STK11: variants seen among roughly 807,000 people sequenced by gnomAD.
STK11 encodes the protein serine/threonine kinase 11.
A neutral mutation model predicts 47.3 loss-of-function variants in STK11; 8 were observed. The observed-to-expected ratio is 0.17, with a 90% CI of 0.10 to 0.31. The LOEUF is 0.31. Ranked by LOEUF, STK11 falls within the 10% of genes least tolerant of loss-of-function variation. STK11 has a pLI of 1.00. For missense variants in STK11, 475 were observed against 605.0 expected (o/e 0.79, Z 2.25); for synonymous variants, 330 against 255.8 (o/e 1.29, Z -2.77).
At chr19:1,208,944 A>T (rs4807008) in intron 1 of STK11, among the ~76,000 whole-genome samples, 1 of 151,948 alleles carries the variant, frequency 6.6e-6, no homozygotes, top group African/African-American at 2.4e-5. Flanking sequence ...ATCAGCATGC[A>T]GGCTGTGACA....
intron 1 of STK11, among the ~76,000 whole-genome samples, chr19:1,214,326 T>C (rs561908815): frequency 4.6e-5 from 7 of 152,202 alleles, no homozygotes; most frequent in East Asian, 1.9e-4. Context: ...CTGCGCAGAA[T>C]GCCTTGGTCC....
Position 1,228,199 on chromosome 19 carries a change from G to C in STK11, c.*623G>C. ...TGCGCTCTCGGGTCACCCTGCTTTG[G>C]CGGCCCGGCCGGAGGGCAGGACCCT... On this transcript the variant is annotated 3_prime_UTR_variant, in exon 10 of 10. Transcript: ENST00000326873. The C allele has an allele frequency of 9.9e-7, 1 of 1,006,084 alleles. No homozygotes were observed. 62.3% of individuals were successfully genotyped at this position (1,006,084 alleles called of 1,614,324 possible). A position where few individuals can be genotyped will look rare whatever the true frequency, so the allele number is the denominator to read the frequency against.
intron 1 of STK11, among the ~76,000 whole-genome samples, chr19:1,211,773 G>C (rs540933808): frequency 6.6e-6 from 1 of 152,272 alleles, no homozygotes; most frequent in Non-Finnish European, 1.5e-5. Flanking sequence ...GCGGTGTCCA[G>C]CCAGGAGGTG....
At chr19:1,210,635 C>T (rs773112425) in intron 1 of STK11, among the ~76,000 whole-genome samples, 1 of 152,168 alleles carries the variant, frequency 6.6e-6, no homozygotes, top group Non-Finnish European at 1.5e-5. Flanking sequence ...TTTGGGAGGC[C>T]AAGGCGGGTG....
At chr19:1,225,084 AGGGGC>A (rs2080811640) in intron 8 of STK11, 1 of 985,974 alleles carries the variant, frequency 1.0e-6, no homozygotes, top group Non-Finnish European at 1.2e-6. Flanking sequence ...ATCCCAGGGA[AGGGGC>A]TTGGGCTAGA....
At chr19:1,227,431 CG>C in intron 9 of STK11, 161 bp from the exon 10 acceptor site, 1 of 684,510 alleles carries the variant, frequency 1.5e-6, no homozygotes, top group Non-Finnish European at 1.9e-6. Context: ...CAATGTACCC[CG>C]GGAGTGACTC....
chr19:1,223,212 G>A (rs377730771), intron 8 of STK11, 40 bp downstream of exon 8: 40 of 1,585,530 alleles, frequency 2.5e-5, no homozygotes, highest in Middle Eastern at 1.7e-4. Flanking sequence ...CTGCTGACTC[G>A]GCCAGGATGT....
At chr19:1,214,638 C>T (rs2080733644) in intron 1 of STK11, among the ~76,000 whole-genome samples, 1 of 152,194 alleles carries the variant, frequency 6.6e-6, no homozygotes, top group South Asian at 2.1e-4. Context: ...CCCGAGCGGC[C>T]CCCACGAGGC....
At chr19:1,222,180 C>T (rs561925711) in intron 7 of STK11, among the ~76,000 whole-genome samples, 174 bp downstream of exon 7, 1 of 152,212 alleles carries the variant, frequency 6.6e-6, no homozygotes, top group African/African-American at 2.4e-5. Context: ...GGGCAGTGTC[C>T]TGTTACCGGC....
rs1336746218 is a variant in STK11, at chr19:1,206,239, C to T, written c.-675C>T. On this transcript the variant is annotated 5_prime_UTR_variant, in exon 1 of 10. Transcript: ENST00000326873. ...GCGCCGGGCAGCGACCAGCCCTGAG[C>T]GGAGCTGTTGGCCGCGGCGGGAGGC... 5.1e-6 allele frequency: 1 copy of T among 195,960 alleles called. No individual in the cohort carries two copies. Among genetic ancestry groups the T allele is most frequent in the Non-Finnish European group, 1.1e-5 (1 of 94,742 alleles). 12.1% of individuals were successfully genotyped at this position (195,960 alleles called of 1,614,324 possible). A position where few individuals can be genotyped will look rare whatever the true frequency, so the allele number is the denominator to read the frequency against.
intron 1 of STK11, 138 bp from the exon 2 acceptor site, chr19:1,218,279 C>A: frequency 1.3e-6 from 1 of 758,844 alleles, no homozygotes; most frequent in Non-Finnish European, 2.3e-6. Flanking sequence ...TCCCACAGCA[C>A]TGTGAACTCA....
In STK11 at chr19:1,227,688, G is replaced by C. The variant is rs2080835896; in HGVS notation, c.*112G>C. 9.4e-7 allele frequency: 1 copy of C among 1,069,464 alleles called. No individual in the cohort carries two copies. Among genetic ancestry groups the C allele is most frequent in the African/African-American group, 1.6e-5 (1 of 61,096 alleles). The allele number at this position is 1,069,464 out of a possible 1,614,324, so 66.2% of individuals were successfully genotyped here. On this transcript the variant is annotated 3_prime_UTR_variant, in exon 10 of 10. Transcript: ENST00000326873. ...CCGGAGAGGTGGCCGCCATGCTTCT[G>C]TGCCGACCACGCCCCAGGACCTCCG...
At chr19:1,207,413 C>T (rs1006539472) in intron 1 of STK11, among the ~76,000 whole-genome samples, 15 of 152,182 alleles carry the variant, frequency 9.9e-5, no homozygotes, top group Non-Finnish European at 1.5e-4. Flanking sequence ...GTTGTCGCAG[C>T]GGGGCGTGCG....
rs763166927 is a variant in STK11, at chr19:1,207,141, C to A, written c.228C>A (p.Ala76=). ...ACTCGGAGACGCTGTGCAGGAGGGCCGTCAAGATCCTCAAGAAGAAGAAGT... is the reference window on the plus strand; with the variant it reads ...ACTCGGAGACGCTGTGCAGGAGGGCAGTCAAGATCCTCAAGAAGAAGAAGT... ...VLDSETLCRR[A]VKILKKKKLR... is the part of the protein sequence containing the mutation. Residue 76 remains alanine (A), a synonymous_variant, in exon 1 of 10, where the codon GCC becomes GCA. Coordinates refer to ENST00000326873, the MANE Select transcript of STK11 (RefSeq NM_000455.5). 1 of 1,613,218 alleles carries A rather than the reference C, an allele frequency of 6.2e-7. No homozygotes were observed. Among genetic ancestry groups the A allele is most frequent in the Non-Finnish European group, 8.5e-7 (1 of 1,179,634 alleles).
At position 1,206,845 on chromosome 19, in the gene STK11, A is replaced by T. The variant is rs2145404072; in HGVS notation, c.-69A>T. The T allele has an allele frequency of 6.8e-7, 1 of 1,474,194 alleles. No homozygotes were observed. Among genetic ancestry groups the T allele is most frequent in the African/African-American group, 1.4e-5 (1 of 70,132 alleles). The allele number at this position is 1,474,194 out of a possible 1,614,324, so 91.3% of individuals were successfully genotyped here. A position where few individuals can be genotyped will look rare whatever the true frequency, so the allele number is the denominator to read the frequency against. On this transcript the variant is annotated 5_prime_UTR_variant, in exon 1 of 10. Transcript: ENST00000326873. ...TAAAATTTTGGAGAAGGGAAGTCGG[A>T]ACACAAGGAAGGACCGCTCACCCGC... is the stretch of plus-strand genomic sequence containing the variant.
rs946527457 is a variant in STK11, at chr19:1,206,813, T to C, written c.-101T>C. ...TTTTGTTGCCTTTTTTTTTTCTTTT[T>C]TCTTTGTAAAATTTTGGAGAAGGGA... On this transcript the variant is annotated 5_prime_UTR_variant, in exon 1 of 10. Coordinates refer to ENST00000326873, the MANE Select transcript of STK11 (RefSeq NM_000455.5). 3 of 1,410,846 alleles carry C rather than the reference T, an allele frequency of 2.1e-6. No homozygotes were observed. Among genetic ancestry groups the C allele is most frequent in the Non-Finnish European group, 2.8e-6 (3 of 1,067,240 alleles). 87.4% of individuals were successfully genotyped at this position (1,410,846 alleles called of 1,614,324 possible). A position where few individuals can be genotyped will look rare whatever the true frequency, so the allele number is the denominator to read the frequency against.
chr19:1,211,814 G>T (rs892607022), intron 1 of STK11, among the ~76,000 whole-genome samples: 4 of 152,262 alleles, frequency 2.6e-5, no homozygotes, highest in African/African-American at 9.6e-5. Context: ...GTGCCTGGTT[G>T]CGGCGATGAT....
chr19:1,218,174 T>C (rs1173103223), intron 1 of STK11, among the ~76,000 whole-genome samples: 1 of 150,658 alleles, frequency 6.6e-6, no homozygotes. Context: ...AACTGTGTCC[T>C]CCAAAGCCCT....
At chr19:1,216,068 C>G (rs2080742844) in intron 1 of STK11, among the ~76,000 whole-genome samples, 1 of 151,644 alleles carries the variant, frequency 6.6e-6, no homozygotes, top group Admixed American at 6.6e-5. Context: ...CTTGGGCTTC[C>G]TGTTAAGAAT....
Sources: allele counts gnomAD v4.1 joint callset (sites outside exome capture counted in the v4.1 genomes callset), GRCh38; gene constraint gnomAD v4.1.1; transcripts MANE v1.5; gene names NCBI Gene and HGNC (gene_info 2026-07-23, HGNC 2026-07-21).